PI4K2A: variants seen among roughly 807,000 people sequenced by gnomAD.
PI4K2A encodes the protein phosphatidylinositol 4-kinase type 2-alpha.
A neutral mutation model predicts 55.0 loss-of-function variants in PI4K2A; 20 were observed. The ratio of observed to expected loss-of-function variants is 0.36; its 90% CI spans 0.26 to 0.53. The LOEUF is 0.53. Among genes scored for constraint, PI4K2A ranks in the 20% least tolerant of loss-of-function variants. The pLI is 0.91. For synonymous variants in PI4K2A, 235 were observed against 258.5 expected (o/e 0.91, Z 0.87); for missense variants, 463 against 637.1 (o/e 0.73, Z 2.94).
At chr10:97,649,212 T>C (rs2041518745) in intron 1 of PI4K2A, among the ~76,000 whole-genome samples, 1 of 152,216 alleles carries the variant, frequency 6.6e-6, no homozygotes, top group South Asian at 2.1e-4. Context: ...GAGAGTCATA[T>C]GATATGAGGA....
chr10:97,645,916 C>T (rs2041502841), intron 1 of PI4K2A, among the ~76,000 whole-genome samples: 1 of 151,976 alleles, frequency 6.6e-6, no homozygotes, highest in Non-Finnish European at 1.5e-5. Context: ...TAAGGCTTCT[C>T]TACCTAAATA....
rs531255797 is a variant in PI4K2A, at chr10:97,670,908, C to T, written c.1279-2673C>T. 1.1e-4 allele frequency among the ~76,000 whole-genome samples: 16 copies of T among 151,814 alleles called. No individual in the cohort carries two copies. The East Asian group carries it at 2.7e-3, about 26-fold the overall frequency. On this transcript the variant is annotated intron_variant, in intron 8 of 8. Coordinates refer to ENST00000370631, the Ensembl canonical transcript of PI4K2A. ...ATCCGAGCACTTTGGGAGGCCGAGG[C>T]GGGTGGATCACCTGAGGTTGGGAGT...
intron 4 of PI4K2A, among the ~76,000 whole-genome samples, chr10:97,658,084 A>G (rs1188616206): frequency 6.6e-6 from 1 of 152,146 alleles, no homozygotes; most frequent in East Asian, 1.9e-4. Context: ...CACCCATCTC[A>G]GTGTCCCAAA....
chr10:97,664,863 T>C lies in PI4K2A; in HGVS notation c.985-22T>C, dbSNP rs755729737. On this transcript the variant is annotated intron_variant, in intron 5 of 8. Transcript: ENST00000370631. ...TGAGGGAGATGGGTTTCCTCAGTCATTAGTCTTTCCTTGCTCTTCAGGACA... is the reference window on the plus strand; with the variant it reads ...TGAGGGAGATGGGTTTCCTCAGTCACTAGTCTTTCCTTGCTCTTCAGGACA... The C allele has an allele frequency of 7.8e-5, 122 of 1,561,488 alleles. 2 individuals carry two copies. The Admixed American group carries it at 1.9e-3, about 24-fold the overall frequency.
intron 6 of PI4K2A, among the ~76,000 whole-genome samples, chr10:97,665,977 C>G (rs1442633349): frequency 1.3e-5 from 2 of 151,866 alleles, no homozygotes; most frequent in African/African-American, 4.8e-5. Context: ...TGAGGACTGT[C>G]TTTCCATAAT....
intron 4 of PI4K2A, among the ~76,000 whole-genome samples, chr10:97,657,351 T>C (rs1235568328): frequency 1.3e-5 from 2 of 152,068 alleles, no homozygotes; most frequent in African/African-American, 4.8e-5. Flanking sequence ...CCTGGTAAAA[T>C]GTACATGTAT....
chr10:97,650,281 T>TTTTTTTTTTTTTTTTTG, intron 1 of PI4K2A, among the ~76,000 whole-genome samples: 1 of 144,314 alleles, frequency 6.9e-6, no homozygotes. Context: ...TCTGTACCTT[T>TTTTTTTTTTTTTTTTTG]TTTTTTTTTT....
intron 1 of PI4K2A, among the ~76,000 whole-genome samples, chr10:97,646,634 C>T (rs919825424): frequency 2.6e-5 from 4 of 152,254 alleles, no homozygotes; most frequent in East Asian, 1.9e-4. Flanking sequence ...TTTCACTGTG[C>T]GATGTGAATG....
At chr10:97,641,799 G>C (rs1444500224) in intron 1 of PI4K2A, among the ~76,000 whole-genome samples, 1 of 152,178 alleles carries the variant, frequency 6.6e-6, no homozygotes, top group Admixed American at 6.5e-5. Context: ...AGTTTAGATA[G>C]AACTTGGAGT....
chr10:97,652,609 G>A (rs1452950867), intron 2 of PI4K2A, among the ~76,000 whole-genome samples: 1 of 152,048 alleles, frequency 6.6e-6, no homozygotes, highest in Non-Finnish European at 1.5e-5. Flanking sequence ...CCTTAAAGAT[G>A]TCTTCTCAGG....
At chr10:97,652,599 C>G (rs910113782) in intron 2 of PI4K2A, among the ~76,000 whole-genome samples, 4 of 152,124 alleles carry the variant, frequency 2.6e-5, no homozygotes, top group Non-Finnish European at 5.9e-5. Flanking sequence ...CCACACCCAG[C>G]CTTAAAGATG....
chr10:97,666,301 G>A, intron 6 of PI4K2A, 137 bp from the exon 7 acceptor site: 1 of 714,930 alleles, frequency 1.4e-6, no homozygotes, highest in Non-Finnish European at 2.3e-6. Context: ...ACAGTTAAGA[G>A]CACTTGTAAG....
intron 8 of PI4K2A, among the ~76,000 whole-genome samples, chr10:97,668,250 C>A (rs1052256175): frequency 6.6e-6 from 1 of 152,126 alleles, no homozygotes; most frequent in Non-Finnish European, 1.5e-5. Context: ...ATCTCTCCTT[C>A]CCTTAGTTTC....
chr10:97,672,725 C>CTTTTTTTTTTT (rs146627600), intron 8 of PI4K2A, among the ~76,000 whole-genome samples: 5 of 83,978 alleles, frequency 6.0e-5, no homozygotes, highest in African/African-American at 2.1e-4. Flanking sequence ...AGGGTCTGTT[C>CTTTTTTTTTTT]TTTTTTTTTT....
rs112784483 is a variant in PI4K2A, at chr10:97,656,465, A to C, written c.768+49A>C. Reference sequence around the variant, plus strand: ...CAAGGGTCATGATTTATAGTGACATAGTCATCCAAGTGGTGAAGCAAGGTG... The same window carrying C: ...CAAGGGTCATGATTTATAGTGACATCGTCATCCAAGTGGTGAAGCAAGGTG... On this transcript the variant is annotated intron_variant, in intron 3 of 8. Transcript: ENST00000370631. This position sits in a 1 kb window ranked among gnomAD's most constrained non-coding sequence, Gnocchi z 4.5. The C allele has an allele frequency of 1.0e-3, 1,592 of 1,577,934 alleles. 12 individuals are homozygous for C. The African/African-American group carries it at 0.018, about 18-fold the overall frequency.
exon 9 of PI4K2A, chr10:97,673,736 G>T (rs766649886): frequency 6.2e-7 from 1 of 1,613,996 alleles, no homozygotes; most frequent in Non-Finnish European, 8.5e-7. Flanking sequence ...TCTTTTCATG[G>T]TGGTAGCTCC....
At chr10:97,640,992 C>T (rs945341748) in exon 1 of PI4K2A, 25 of 1,540,094 alleles carry the variant, frequency 1.6e-5, no homozygotes, top group Non-Finnish European at 2.1e-5. Flanking sequence ...GGCCCAGGCT[C>T]TGGCCGCTCA....
intron 1 of PI4K2A, among the ~76,000 whole-genome samples, chr10:97,647,984 C>T (rs1340036417): frequency 6.6e-6 from 1 of 151,456 alleles, no homozygotes; most frequent in African/African-American, 2.4e-5. Context: ...ACCCAGGCTA[C>T]AGTGCAGTGG....
intron 1 of PI4K2A, among the ~76,000 whole-genome samples, chr10:97,643,063 T>A (rs572991503): frequency 6.6e-6 from 1 of 151,582 alleles, no homozygotes; most frequent in South Asian, 2.1e-4. Context: ...GTCTCACTGC[T>A]CACTGCAGCC....
Sources: allele counts gnomAD v4.1 joint callset (sites outside exome capture counted in the v4.1 genomes callset), GRCh38; gene constraint gnomAD v4.1.1; non-coding constraint Gnocchi (gnomAD v3.1); transcripts MANE v1.5; gene names NCBI Gene and HGNC (gene_info 2026-07-23, HGNC 2026-07-21).